Variants in RANBP17 observed in about 807,000 individuals in gnomAD.
The protein encoded by RANBP17 is RAN binding protein 17.
Under a neutral mutation model 141.2 loss-of-function variants are expected in RANBP17, and 158 were observed. The ratio of observed to expected loss-of-function variants is 1.12; its 90% CI spans 0.98 to 1.28. The LOEUF is 1.28. RANBP17 is among the 50% of genes most tolerant of loss of function. RANBP17 has a pLI of 0.00. For missense variants in RANBP17, 1,438 were observed against 1,290.7 expected (o/e 1.11, Z -1.75); for synonymous variants, 430 against 450.0 (o/e 0.96, Z 0.56).
Position 170,924,534 on chromosome 5 carries a change from C to T in RANBP17, c.1452C>T (p.Asp484=), listed in dbSNP as rs1405431602. ...LLHPYSGVTV[D]ITIQEGRLAW... ...ATCCATATTCTGGTGTAACTGTGGA[C>T]ATCACCATTCAGGAAGGTCAGTAAA... Residue 484 remains aspartate, a synonymous_variant, in exon 12 of 28, where the codon GAC becomes GAT. Transcript: ENST00000523189. The T allele has an allele frequency of 1.9e-6, 3 of 1,599,854 alleles. No homozygotes were observed. The highest frequency in any genetic ancestry group is 1.1e-5 in the South Asian group (1 of 90,318).
At chr5:171,036,672 A>G (rs1044799029) in intron 14 of RANBP17, among the ~76,000 whole-genome samples, 3 of 151,870 alleles carry the variant, frequency 2.0e-5, no homozygotes, top group Non-Finnish European at 4.4e-5. Context: ...TACCACTTGC[A>G]AGTAATAACA....
intron 13 of RANBP17, 31 bp downstream of exon 13, chr5:170,953,733 T>A: frequency 7.1e-7 from 1 of 1,412,076 alleles, no homozygotes; most frequent in East Asian, 2.3e-5. Flanking sequence ...TTACTGAAAT[T>A]CACTAAATAG....
intron 3 of RANBP17, among the ~76,000 whole-genome samples, chr5:170,883,753 A>G (rs1768919694): frequency 6.6e-6 from 1 of 152,054 alleles, no homozygotes; most frequent in Admixed American, 6.6e-5. Context: ...TATGCATTTA[A>G]GGTTCCTCCA....
At chr5:171,298,666 C>A in intron 27 of RANBP17, 96 bp from the exon 28 acceptor site, 1 of 844,618 alleles carries the variant, frequency 1.2e-6, no homozygotes, top group Non-Finnish European at 1.9e-6. Context: ...GAGGGGGCTC[C>A]CCAAAGTCCT....
chr5:171,115,398 A>T (rs1755548151), intron 14 of RANBP17, among the ~76,000 whole-genome samples: 1 of 152,206 alleles, frequency 6.6e-6, no homozygotes, highest in South Asian at 2.1e-4. Flanking sequence ...ATAAAAGATA[A>T]TATTGTCTAT....
intron 14 of RANBP17, 197 bp downstream of exon 14, chr5:170,968,574 G>T (rs1299114388): frequency 1.6e-5 from 10 of 627,176 alleles, no homozygotes; most frequent in Non-Finnish European, 2.6e-5. Flanking sequence ...TAAAGATTGA[G>T]TGGCAGAGAG....
chr5:170,909,758 T>A lies in RANBP17; in HGVS notation c.587T>A (p.Leu196Ter), dbSNP rs1771381217. 1.3e-5 allele frequency: 19 copies of A among 1,455,074 alleles called. No homozygotes were observed. Among genetic ancestry groups the A allele is most frequent in the Non-Finnish European group, 1.8e-5 (19 of 1,038,728 alleles). 90.1% of individuals were successfully genotyped at this position (1,455,074 alleles called of 1,614,324 possible). A position where few individuals can be genotyped will look rare whatever the true frequency, so the allele number is the denominator to read the frequency against. Residue 196 changes from leucine to a stop codon, truncating the protein, a stop_gained, in exon 6 of 28, where the codon TTA (leucine) becomes TAA (stop). Transcript: ENST00000523189. LOFTEE classifies it high-confidence loss of function. ...KDVLVLACSL[L>*]KEVFAKPLNL... is the part of the protein sequence containing the mutation. ...GTTTTAGTGCTAGCATGCTCTCTTT[T>A]AAAAGAGGTAAGTTATTTGATAATT...
intron 18 of RANBP17, among the ~76,000 whole-genome samples, chr5:171,198,493 T>C (rs1762106253): frequency 6.6e-6 from 1 of 152,224 alleles, no homozygotes. Context: ...GGACCTCCGT[T>C]ACTTTGTCTG....
chr5:171,011,703 A>G (rs1028576486), intron 14 of RANBP17, among the ~76,000 whole-genome samples: 1 of 151,832 alleles, frequency 6.6e-6, no homozygotes, highest in African/African-American at 2.4e-5. Flanking sequence ...TTTTTTATAT[A>G]CCTCCTGAGA....
At chr5:171,226,223 A>G (rs1047394720) in intron 22 of RANBP17, among the ~76,000 whole-genome samples, 12 of 152,294 alleles carry the variant, frequency 7.9e-5, no homozygotes, top group Admixed American at 5.9e-4. Flanking sequence ...TAAGAACTGG[A>G]TGATTTTTAT....
intron 20 of RANBP17, chr5:171,205,856 C>G: frequency 1.7e-6 from 1 of 577,756 alleles, no homozygotes; most frequent in Non-Finnish European, 3.2e-6. Flanking sequence ...AAAATGACTT[C>G]CCCCAAATGA....
At chr5:170,872,579 T>A (rs1009582579) in intron 1 of RANBP17, among the ~76,000 whole-genome samples, 4 of 152,232 alleles carry the variant, frequency 2.6e-5, no homozygotes, top group African/African-American at 7.2e-5. Context: ...GGTATCCTTG[T>A]CTTGTGCCAG....
chr5:171,252,472 A>C (rs1390509195), intron 24 of RANBP17: 5 of 1,464,828 alleles, frequency 3.4e-6, no homozygotes, highest in Non-Finnish European at 4.8e-6. Flanking sequence ...GGCTTTCAGC[A>C]ACACAGAAAC....
chr5:170,911,995 C>T (rs1771567100), intron 7 of RANBP17, among the ~76,000 whole-genome samples: 1 of 151,918 alleles, frequency 6.6e-6, no homozygotes, highest in Non-Finnish European at 1.5e-5. Context: ...CCTCCCTTTT[C>T]TCTACCTGTG....
chr5:171,091,472 G>A (rs987370461), intron 14 of RANBP17, among the ~76,000 whole-genome samples: 2 of 152,174 alleles, frequency 1.3e-5, no homozygotes, highest in Non-Finnish European at 2.9e-5. Flanking sequence ...TGAGACTTTG[G>A]ACTGTGGGCT....
At chr5:170,916,693 G>A (rs932032467) in intron 9 of RANBP17, 109 bp downstream of exon 9, 2 of 525,062 alleles carry the variant, frequency 3.8e-6, no homozygotes, top group Middle Eastern at 6.6e-4. Context: ...AAAACATTTA[G>A]TATCATATAT....
At chr5:171,208,156 A>G (rs990087853) in intron 20 of RANBP17, among the ~76,000 whole-genome samples, 5 of 152,240 alleles carry the variant, frequency 3.3e-5, no homozygotes, top group African/African-American at 1.2e-4. Flanking sequence ...GTAAGAGCAC[A>G]TGTCATCTTA....
At chr5:171,198,011 C>T (rs1762077351) in intron 18 of RANBP17, among the ~76,000 whole-genome samples, 1 of 152,192 alleles carries the variant, frequency 6.6e-6, no homozygotes, top group South Asian at 2.1e-4. Context: ...TGCACTCCAG[C>T]CTGGATGACA....
intron 21 of RANBP17, 29 bp downstream of exon 21, chr5:171,213,767 A>C: frequency 6.8e-7 from 1 of 1,461,492 alleles, no homozygotes; most frequent in South Asian, 1.1e-5. Context: ...AGTGAGAAAA[A>C]CAGTCTACTA....
Sources: gnomAD v4.1 joint callset for allele counts (sites outside exome capture counted in the v4.1 genomes callset) on GRCh38, gnomAD v4.1.1 for gene constraint, MANE v1.5 for transcripts, NCBI Gene and HGNC (gene_info 2026-07-23, HGNC 2026-07-21) for gene names.